The following CDC34 variants were observed in gnomAD, a reference collection of about 807,000 sequenced individuals.
The protein encoded by CDC34 is cell division cycle 34, ubiquitin conjugating enzyme.
Under a neutral mutation model 26.8 loss-of-function variants are expected in CDC34, and 18 were observed. That is an observed-to-expected ratio of 0.67 (90% CI 0.47 to 1.00). The LOEUF (loss-of-function observed/expected upper bound fraction) is 1.00, where lower values mean the gene tolerates loss of function less well. CDC34 is among the 50% of genes least tolerant of loss of function. The pLI is 0.00. For synonymous variants in CDC34, 178 were observed against 147.5 expected (o/e 1.21, Z -1.50); for missense variants, 280 against 334.5 (o/e 0.84, Z 1.27).
At position 541,616 on chromosome 19, in the gene CDC34, C is replaced by T. The variant is rs1055039105; in HGVS notation, c.*64C>T. On this transcript the variant is annotated 3_prime_UTR_variant, in exon 5 of 5. Coordinates refer to ENST00000215574, the MANE Select transcript of CDC34 (RefSeq NM_004359.2). Reference sequence around the variant, plus strand: ...GCCGGACCCGTGGCTCCTTAGACGACAGACTACCTCACGGAGGTTTTGTGC... The same window carrying T: ...GCCGGACCCGTGGCTCCTTAGACGATAGACTACCTCACGGAGGTTTTGTGC... 2.0e-6 allele frequency: 3 copies of T among 1,480,076 alleles called. No individual in the cohort carries two copies. The highest frequency in any genetic ancestry group is 1.4e-5 in the African/African-American group (1 of 71,030). The allele number at this position is 1,480,076 out of a possible 1,614,324, so 91.7% of individuals were successfully genotyped here.
Position 531,918 on chromosome 19 carries a change from C to T in CDC34, c.-14C>T. ...CCCCGCGCTGCTCCGACCCCGGGCCCCTCCGCCGCCGCCATGGCTCGGCCG... is the reference window on the plus strand; with the variant it reads ...CCCCGCGCTGCTCCGACCCCGGGCCTCTCCGCCGCCGCCATGGCTCGGCCG... On this transcript the variant is annotated 5_prime_UTR_variant, in exon 1 of 5. Coordinates refer to ENST00000215574, the MANE Select transcript of CDC34 (RefSeq NM_004359.2). The T allele has an allele frequency of 1.4e-6, 2 of 1,408,116 alleles. No homozygotes were observed. The highest frequency in any genetic ancestry group is 9.2e-7 in the Non-Finnish European group (1 of 1,085,786). 87.2% of individuals were successfully genotyped at this position (1,408,116 alleles called of 1,614,324 possible). A position where few individuals can be genotyped will look rare whatever the true frequency, so the allele number is the denominator to read the frequency against.
rs768762379 is a variant in CDC34, at chr19:541,525, G to A, written c.684G>A (p.Glu228=). ...EEADSCFGDD[E]DDSGTEES ...CCGACAGCTGCTTCGGGGACGATGA[G>A]GATGACTCTGGCACGGAGGAGTCCT... Residue 228 remains glutamate, a synonymous_variant, in exon 5 of 5, where the codon GAG becomes GAA. Coordinates refer to ENST00000215574, the MANE Select transcript of CDC34 (RefSeq NM_004359.2). 19 of 1,604,522 alleles carry A rather than the reference G, an allele frequency of 1.2e-5. No homozygotes were observed. The highest frequency in any genetic ancestry group is 1.6e-5 in the Non-Finnish European group (19 of 1,174,432).
At chr19:537,651 CTTTTT>C (rs773623358) in intron 4 of CDC34, among the ~76,000 whole-genome samples, 9 of 67,088 alleles carry the variant, frequency 1.3e-4, no homozygotes, top group Non-Finnish European at 1.9e-4. Context: ...CGCGGCCGGC[CTTTTT>C]TTTTTTTTTT....
chr19:539,781 GC>G (rs1180128187), intron 4 of CDC34, among the ~76,000 whole-genome samples: 1 of 152,216 alleles, frequency 6.6e-6, no homozygotes, highest in African/African-American at 2.4e-5. Flanking sequence ...ACCCCCGGAA[GC>G]CCCTTTGCTT....
chr19:532,169 C>G, intron 1 of CDC34, 61 bp downstream of exon 1: 2 of 1,335,436 alleles, frequency 1.5e-6, no homozygotes, highest in Non-Finnish European at 2.0e-6. Context: ...GCGCCGGGAA[C>G]CAGCTCCCTG....
At chr19:541,133 G>A (rs12609463) in intron 4 of CDC34, 52,903 of 612,426 alleles carry the variant, frequency 0.086, 2,618 homozygotes, top group South Asian at 0.17. Flanking sequence ...CCTCCCACCC[G>A]CACCTCCTGC....
chr19:541,127 C>T, intron 4 of CDC34: 1 of 595,270 alleles, frequency 1.7e-6, no homozygotes, highest in Non-Finnish European at 2.8e-6. Flanking sequence ...GTCCAGCCTC[C>T]CACCCGCACC....
At position 536,621 on chromosome 19, in the gene CDC34, T is replaced by C. The variant is rs1600424781; in HGVS notation, c.362+281T>C. On this transcript the variant is annotated intron_variant, in intron 3 of 4. Coordinates refer to ENST00000215574, the MANE Select transcript of CDC34 (RefSeq NM_004359.2). ...AGAGGTGTCCCGCCATCCTCAGTCC[T>C]GGGGCCTTCTCCTTACCCAGCCGTC... The C allele has an allele frequency of 3.4e-5, 19 of 554,250 alleles. No homozygotes were observed. The South Asian group carries it at 4.2e-4, about 12-fold the overall frequency. 34.3% of individuals were successfully genotyped at this position (554,250 alleles called of 1,614,324 possible).
rs373877648 is a variant in CDC34 at position 537,126 on chromosome 19, G to A, written c.476G>A (p.Arg159Gln). 53 of 1,613,464 alleles carry A rather than the reference G, an allele frequency of 3.3e-5. 1 individual carries two copies. Among genetic ancestry groups the A allele is most frequent in the Middle Eastern group, 3.3e-4 (2 of 6,080 alleles). ...RKWKESKGKD[R>Q]EYTDIIRKQV... is the part of the protein sequence containing the mutation. ...TGGAAAGAGAGCAAGGGGAAGGATC[G>A]GGAGTACACAGACATCATCCGGTGA... Residue 159 changes from arginine (R) to glutamine (Q), a missense_variant, in exon 4 of 5, where the codon CGG becomes CAG. Physicochemically the swap from Arg to Gln is conservative, Grantham distance 43. Transcript: ENST00000215574.
intron 1 of CDC34, among the ~76,000 whole-genome samples, chr19:534,490 G>A (rs1402600513): frequency 3.1e-5 from 3 of 97,734 alleles, no homozygotes; most frequent in Admixed American, 1.2e-4. Flanking sequence ...CCTCACCCAC[G>A]ATCCAAGACC....
chr19:537,304 C>A (rs555822496), intron 4 of CDC34, among the ~76,000 whole-genome samples, 157 bp downstream of exon 4: 1 of 152,152 alleles, frequency 6.6e-6, no homozygotes, highest in Non-Finnish European at 1.5e-5. Context: ...GAGGCCGGGC[C>A]GAGTGGCGGA....
At chr19:540,804 CG>C (rs1555720879) in intron 4 of CDC34, among the ~76,000 whole-genome samples, 1 of 10,730 alleles carries the variant, frequency 9.3e-5, no homozygotes, top group Non-Finnish European at 2.3e-4. Flanking sequence ...CCAGGCCCCC[CG>C]GTTTAGAATC....
chr19:532,574 CA>C (rs1240708328), intron 1 of CDC34, among the ~76,000 whole-genome samples: 2 of 152,220 alleles, frequency 1.3e-5, no homozygotes, highest in Non-Finnish European at 2.9e-5. Flanking sequence ...GAGGCCCCCC[CA>C]GACCCCGTAG....
Position 536,495 on chromosome 19 carries a change from C to G in CDC34, c.362+155C>G, listed in dbSNP as rs992899946. The G allele has an allele frequency of 4.8e-6, 3 of 623,824 alleles. No individual in the cohort carries two copies. In the African/African-American group the frequency reaches 5.5e-5, roughly 11 times the overall value. 38.6% of individuals were successfully genotyped at this position (623,824 alleles called of 1,614,324 possible). A position where few individuals can be genotyped will look rare whatever the true frequency, so the allele number is the denominator to read the frequency against. On this transcript the variant is annotated intron_variant, in intron 3 of 4. Transcript: ENST00000215574. The stretch of plus-strand genomic sequence containing the variant: ...TGCCAGCTGGCGGTCCTGGGCCTCG[C>G]TGTACCTGCACGGTAGGTGCTTTCA...
chr19:534,948 G>C (rs1482305368), intron 1 of CDC34, among the ~76,000 whole-genome samples: 4 of 152,232 alleles, frequency 2.6e-5, no homozygotes, highest in African/African-American at 4.8e-5. Flanking sequence ...CTCTGGGGGT[G>C]CTGCTCTCGT....
chr19:536,197 C>G (rs1401520207), intron 2 of CDC34, 46 bp from the exon 3 acceptor site: 2 of 1,473,304 alleles, frequency 1.4e-6, no homozygotes, highest in South Asian at 1.2e-5. Context: ...CACTGGGAGC[C>G]CGTGCTGACC....
intron 1 of CDC34, among the ~76,000 whole-genome samples, chr19:532,443 C>G (rs915618737): frequency 6.6e-6 from 1 of 152,190 alleles, no homozygotes; most frequent in Non-Finnish European, 1.5e-5. Flanking sequence ...TTGCCCACCT[C>G]CTCCTTGGCG....
At chr19:534,956 C>T (rs944687842) in intron 1 of CDC34, among the ~76,000 whole-genome samples, 2 of 152,220 alleles carry the variant, frequency 1.3e-5, no homozygotes, top group South Asian at 2.1e-4. Context: ...GTGCTGCTCT[C>T]GTGCCTTGGA....
intron 2 of CDC34, 68 bp from the exon 3 acceptor site, chr19:536,175 C>G (rs767167735): frequency 5.4e-6 from 7 of 1,306,102 alleles, no homozygotes; most frequent in Non-Finnish European, 7.6e-6. Flanking sequence ...CCTCATCCTC[C>G]GGGACCTGGG....
Sources: allele counts gnomAD v4.1 joint callset (sites outside exome capture counted in the v4.1 genomes callset), GRCh38; gene constraint gnomAD v4.1.1; transcripts MANE v1.5; gene names NCBI Gene and HGNC (gene_info 2026-07-23, HGNC 2026-07-21).